EML5: variants seen among roughly 807,000 people sequenced by gnomAD.
The protein encoded by EML5 is echinoderm microtubule-associated protein-like 5.
In EML5, 120 loss-of-function variants were observed where a neutral mutation model predicts 250.0. The ratio of observed to expected loss-of-function variants is 0.48; its 90% CI spans 0.41 to 0.56. The LOEUF (loss-of-function observed/expected upper bound fraction) is 0.56. EML5 is among the 20% of genes least tolerant of loss of function. EML5 has a pLI of 0.00. For synonymous variants in EML5, 771 were observed against 806.5 expected (o/e 0.96, Z 0.75); for missense variants, 2,006 against 2,437.6 (o/e 0.82, Z 3.73).
At chr14:88,700,329 G>C (rs752333031) in intron 14 of EML5, among the ~76,000 whole-genome samples, 23 of 151,906 alleles carry the variant, frequency 1.5e-4, no homozygotes, top group Admixed American at 2.6e-4. Flanking sequence ...TTTGGGAAAA[G>C]TGCTTCTTAC....
Position 88,746,260 on chromosome 14 carries a change from A to G in EML5, c.381T>C (p.Asp127=). The G allele has an allele frequency of 6.2e-7, 1 of 1,613,446 alleles. No homozygotes were observed. Among genetic ancestry groups the G allele is most frequent in the Non-Finnish European group, 8.5e-7 (1 of 1,179,566 alleles). Residue 127 remains aspartate (D), a synonymous_variant, in exon 3 of 44, where the codon GAT becomes GAC. Coordinates refer to ENST00000554922, the MANE Select transcript of EML5 (RefSeq NM_183387.3). ...CCCAAACACAAACTGCATTCTTTGAATCAAGTCCAACTGAAACCAAGCGCT... is the reference window on the plus strand; with the variant it reads ...CCCAAACACAAACTGCATTCTTTGAGTCAAGTCCAACTGAAACCAAGCGCT... ...DGQRLVSVGL[D]SKNAVCVWDW... is the part of the protein sequence containing the mutation.
Position 88,627,016 on chromosome 14 carries a change from T to C in EML5, c.4562A>G (p.Asn1521Ser), listed in dbSNP as rs2090020230. The C allele has an allele frequency of 4.3e-6, 7 of 1,613,812 alleles. No homozygotes were observed. Among genetic ancestry groups the C allele is most frequent in the Non-Finnish European group, 5.1e-6 (6 of 1,179,838 alleles). ...GAKIASRAGH[N>S]QRIFVAEFRP... ...GAATTCTGCCACAAAAATACGTTGA[T>C]TGTGACCAGCTCTGCTGGCAATTTT... Residue 1521 changes from asparagine to serine, a missense_variant, in exon 35 of 44, where the codon AAT becomes AGT. This residue lies in a region of EML5 where 405 missense variants were observed against 523.3 expected (regional missense o/e 0.77). Coordinates refer to ENST00000554922, the MANE Select transcript of EML5 (RefSeq NM_183387.3).
chr14:88,758,422 T>C (rs1037051072), intron 1 of EML5, among the ~76,000 whole-genome samples: 4 of 152,100 alleles, frequency 2.6e-5, no homozygotes, highest in Non-Finnish European at 5.9e-5. Context: ...CTCAAACTCC[T>C]GACCTCAGGA....
chr14:88,721,798 A>G (rs1389278760), intron 8 of EML5, among the ~76,000 whole-genome samples: 2 of 152,232 alleles, frequency 1.3e-5, no homozygotes, highest in South Asian at 2.1e-4. Flanking sequence ...GCTTCGGCAC[A>G]ATAAAAGAAA....
chr14:88,705,575 G>A lies in EML5; in HGVS notation c.1839C>T (p.Asp613=). The A allele has an allele frequency of 6.3e-7, 1 of 1,590,774 alleles. No homozygotes were observed. Among genetic ancestry groups the A allele is most frequent in the Non-Finnish European group, 8.6e-7 (1 of 1,166,952 alleles). ...VHIAPQESLA[D]SHSDESDSDL... ...CTGAATCTGATTCATCACTATGAGAGTCAGCCAGACTTTCTGTAATTTTTA... is the reference window on the plus strand; with the variant it reads ...CTGAATCTGATTCATCACTATGAGAATCAGCCAGACTTTCTGTAATTTTTA... The change falls in exon 12 of 44, where the codon GAC becomes GAT. Residue 613 remains aspartate (D), a synonymous_variant. Coordinates refer to ENST00000554922, the MANE Select transcript of EML5 (RefSeq NM_183387.3).
rs564301180 is a variant in EML5, at chr14:88,690,352, G to A, written c.2540-1879C>T. ...TGAGAATAGATACAAGGGAGGTCAAGGATGAAAGGAGTTAGAAGGCTATTT... is the reference window on the plus strand; with the variant it reads ...TGAGAATAGATACAAGGGAGGTCAAAGATGAAAGGAGTTAGAAGGCTATTT... On this transcript the variant is annotated intron_variant, in intron 17 of 43. Coordinates refer to ENST00000554922, the MANE Select transcript of EML5 (RefSeq NM_183387.3). 3.1e-4 allele frequency among the ~76,000 whole-genome samples: 47 copies of A among 152,344 alleles called. 1 individual carries two copies. The South Asian group carries it at 9.5e-3, about 31-fold the overall frequency.
chr14:88,616,444 C>CT, intron 42 of EML5: 1 of 619,950 alleles, frequency 1.6e-6, no homozygotes, highest in East Asian at 2.8e-5. Flanking sequence ...TCCAGGTACT[C>CT]TGACCATTTT....
chr14:88,615,844 A>G lies in EML5; in HGVS notation c.5908T>C (p.Trp1970Arg). The change falls in exon 44 of 44, where the codon TGG (tryptophan) becomes CGG (arginine). Residue 1970 changes from tryptophan to arginine, a missense_variant. By Grantham distance (101) the Trp-to-Arg change is moderately radical. Transcript: ENST00000554922. ...AGGDDCSLFV[W>R]KCVHTPH ...CAGTGAGGTGTATGTACACATTTCC[A>G]GACAAATAAGCTGCAATCAGAGAAG... 6.2e-7 allele frequency: 1 copy of G among 1,611,668 alleles called. No individual in the cohort carries two copies. The highest frequency in any genetic ancestry group is 8.5e-7 in the Non-Finnish European group (1 of 1,178,920).
intron 10 of EML5, among the ~76,000 whole-genome samples, chr14:88,710,266 T>C (rs2093382920): frequency 6.6e-6 from 1 of 152,226 alleles, no homozygotes. Flanking sequence ...AGGGTATATG[T>C]GGTTCATATG....
At chr14:88,736,150 G>A (rs537799829) in intron 7 of EML5, among the ~76,000 whole-genome samples, 40 of 151,892 alleles carry the variant, frequency 2.6e-4, no homozygotes, top group South Asian at 1.3e-3. Flanking sequence ...ACAGGTGCCC[G>A]CCACCATGCC....
intron 8 of EML5, among the ~76,000 whole-genome samples, chr14:88,725,976 G>T (rs943241553): frequency 6.6e-6 from 1 of 152,160 alleles, no homozygotes; most frequent in Non-Finnish European, 1.5e-5. Context: ...GAAAGACTTC[G>T]TAAGTACTTA....
chr14:88,708,265 C>G (rs866911618), intron 10 of EML5, among the ~76,000 whole-genome samples: 1 of 152,036 alleles, frequency 6.6e-6, no homozygotes, highest in African/African-American at 2.4e-5. Context: ...GATATCATAT[C>G]TTTCATGAAA....
chr14:88,725,183 T>A (rs991121985), intron 8 of EML5, among the ~76,000 whole-genome samples: 6 of 152,090 alleles, frequency 3.9e-5, no homozygotes, highest in Non-Finnish European at 8.8e-5. Context: ...TTTTACAGGG[T>A]ACAGAGTTTC....
At chr14:88,777,511 C>T (rs1358907151) in intron 1 of EML5, among the ~76,000 whole-genome samples, 1 of 152,150 alleles carries the variant, frequency 6.6e-6, no homozygotes. Context: ...ACAAAACTCA[C>T]TGGTAATAGT....
At chr14:88,653,936 T>C (rs530722519) in intron 27 of EML5, among the ~76,000 whole-genome samples, 8 of 152,246 alleles carry the variant, frequency 5.3e-5, no homozygotes, top group African/African-American at 1.7e-4. Flanking sequence ...TTTTGGTTGG[T>C]AGGCTATTAA....
intron 2 of EML5, among the ~76,000 whole-genome samples, chr14:88,749,771 A>G (rs762581839): frequency 1.3e-5 from 2 of 152,224 alleles, no homozygotes; most frequent in Admixed American, 6.5e-5. Context: ...TTCTCTGACA[A>G]AAACAGAATT....
At chr14:88,736,645 T>A (rs1159821551) in intron 6 of EML5, 80 bp from the exon 7 acceptor site, 1 of 1,377,726 alleles carries the variant, frequency 7.3e-7, no homozygotes, top group East Asian at 2.3e-5. Context: ...CCTATGCAGA[T>A]AGGGGCAAGT....
At chr14:88,787,371 A>C (rs2094561830) in intron 1 of EML5, among the ~76,000 whole-genome samples, 1 of 152,224 alleles carries the variant, frequency 6.6e-6, no homozygotes, top group Non-Finnish European at 1.5e-5. Flanking sequence ...TTCTTGGATG[A>C]GAAAACTTTG....
At position 88,664,517 on chromosome 14, in the gene EML5, T is replaced by C. The variant is rs192316166; in HGVS notation, c.3385A>G (p.Thr1129Ala). The C allele has an allele frequency of 4.4e-5, 70 of 1,608,038 alleles. 1 individual carries two copies. The East Asian group carries it at 1.5e-3, about 36-fold the overall frequency. The change falls in exon 23 of 44, where the codon ACC becomes GCC. Residue 1129 changes from threonine to alanine, a missense_variant. Physicochemically the swap from Thr to Ala is moderately conservative, Grantham distance 58. Coordinates refer to ENST00000554922, the MANE Select transcript of EML5 (RefSeq NM_183387.3). ...GICKGATSYI[T>A]HIDWDIRGKL... Reference sequence around the variant, plus strand: ...CCTCTAATATCCCAATCAATATGGGTTATGTAACTGGTAGCTCCTTTGCAT... The same window carrying C: ...CCTCTAATATCCCAATCAATATGGGCTATGTAACTGGTAGCTCCTTTGCAT...
Sources: gnomAD v4.1 joint callset for allele counts (sites outside exome capture counted in the v4.1 genomes callset) on GRCh38, gnomAD v4.1.1 for gene constraint, gnomAD v4.1.1 regional missense constraint, MANE v1.5 for transcripts, NCBI Gene and HGNC (gene_info 2026-07-23, HGNC 2026-07-21) for gene names.